The following DLG2 variants were observed in gnomAD, a reference collection of about 807,000 sequenced individuals.
DLG2 encodes discs large MAGUK scaffold protein 2, also known as disks large homolog 2.
DLG2 carries 45 observed loss-of-function variants against 132.5 expected under a neutral mutation model. The ratio of observed to expected loss-of-function variants is 0.34; its 90% CI spans 0.27 to 0.44. The LOEUF (loss-of-function observed/expected upper bound fraction) is 0.44. Among genes scored for constraint, DLG2 ranks in the 20% least tolerant of loss-of-function variants. The pLI, the probability that DLG2 is intolerant of heterozygous loss-of-function variation, is 1.00. For missense variants in DLG2, 1,045 were observed against 1,196.9 expected, an observed-to-expected ratio of 0.87 and a Z score of 1.87; for synonymous variants, 424 against 419.6, an observed-to-expected ratio of 1.01 and a Z score of -0.13.
chr11:84,682,789 A>C (rs1038232815), intron 6 of DLG2, among the ~76,000 whole-genome samples: 1 of 152,180 alleles, frequency 6.6e-6, no homozygotes, highest in African/African-American at 2.4e-5. Context: ...CACAGATGTC[A>C]AACCACCAGC....
chr11:84,220,548 G>A (rs991599987), intron 8 of DLG2, among the ~76,000 whole-genome samples: 4 of 152,032 alleles, frequency 2.6e-5, no homozygotes, highest in African/African-American at 7.2e-5. Flanking sequence ...TATAATTTGG[G>A]CAATGCTATT....
intron 18 of DLG2, among the ~76,000 whole-genome samples, chr11:83,721,287 T>C (rs2088484729): frequency 6.6e-6 from 1 of 152,228 alleles, no homozygotes; most frequent in Non-Finnish European, 1.5e-5. Context: ...ACATTTTTTA[T>C]TTGCATGGTT....
chr11:84,067,306 C>T (rs1392699457), intron 10 of DLG2, among the ~76,000 whole-genome samples: 2 of 152,224 alleles, frequency 1.3e-5, no homozygotes, highest in African/African-American at 4.8e-5. Flanking sequence ...TGCACTCCAT[C>T]CTGGGTAACA....
chr11:84,785,078 A>C (rs1221090368), intron 6 of DLG2, among the ~76,000 whole-genome samples: 1 of 152,102 alleles, frequency 6.6e-6, no homozygotes, highest in East Asian at 1.9e-4. Context: ...ATTTTGTGTC[A>C]ATTTAAAAAT....
At chr11:84,172,908 T>C (rs1343683672) in intron 8 of DLG2, among the ~76,000 whole-genome samples, 2 of 152,086 alleles carry the variant, frequency 1.3e-5, no homozygotes, top group African/African-American at 4.8e-5. Flanking sequence ...ACACGCAACT[T>C]TGGGTCTAGA....
intron 6 of DLG2, chr11:84,546,966 C>A (rs2099391118): frequency 6.4e-6 from 1 of 155,120 alleles, no homozygotes; most frequent in South Asian, 2.0e-4. Flanking sequence ...AGAACAGCGC[C>A]TAAAAGCGCA....
At chr11:83,819,937 T>C (rs2050279866) in intron 17 of DLG2, among the ~76,000 whole-genome samples, 1 of 147,318 alleles carries the variant, frequency 6.8e-6, no homozygotes, top group African/African-American at 2.6e-5. Context: ...TACAGGACCC[T>C]CACAATAATA....
intron 6 of DLG2, among the ~76,000 whole-genome samples, chr11:84,562,149 C>A: frequency 6.6e-6 from 1 of 151,914 alleles, no homozygotes; most frequent in East Asian, 1.9e-4. Flanking sequence ...CTAGAAGGAA[C>A]TCCAAGATAT....
At chr11:85,308,389 G>C (rs1296902923) in intron 3 of DLG2, among the ~76,000 whole-genome samples, 1 of 151,924 alleles carries the variant, frequency 6.6e-6, no homozygotes, top group South Asian at 2.1e-4. Context: ...TACAGACTAA[G>C]TCACTAAGAT....
intron 11 of DLG2, among the ~76,000 whole-genome samples, chr11:84,025,417 A>G (rs1488998608): frequency 9.9e-5 from 15 of 152,236 alleles, no homozygotes; most frequent in Non-Finnish European, 7.4e-5. Context: ...TCCCTCCCCC[A>G]ACACTTGGGA....
intron 7 of DLG2, among the ~76,000 whole-genome samples, chr11:84,291,329 A>T (rs2097993450): frequency 6.6e-6 from 1 of 152,206 alleles, no homozygotes; most frequent in Non-Finnish European, 1.5e-5. Flanking sequence ...AATATTGCCA[A>T]GTTAGACTAA....
At chr11:83,709,372 T>TAC (rs2084860585) in intron 18 of DLG2, among the ~76,000 whole-genome samples, 1 of 148,626 alleles carries the variant, frequency 6.7e-6, no homozygotes, top group Non-Finnish European at 1.5e-5. Flanking sequence ...CACACACACA[T>TAC]ATATATATAA....
chr11:84,099,145 T>G, intron 9 of DLG2, 98 bp from the exon 10 acceptor site: 1 of 1,130,376 alleles, frequency 8.8e-7, no homozygotes, highest in Non-Finnish European at 1.3e-6. Context: ...CAAATGGAAA[T>G]CAGGTGACAA....
intron 21 of DLG2, among the ~76,000 whole-genome samples, chr11:83,496,940 C>A (rs1052727949): frequency 2.6e-5 from 4 of 152,212 alleles, no homozygotes; most frequent in Admixed American, 6.5e-5. Context: ...CTCACAAACA[C>A]TTAGCATTTT....
intron 3 of DLG2, among the ~76,000 whole-genome samples, chr11:85,548,382 C>T (rs868325670): frequency 6.6e-6 from 1 of 152,120 alleles, no homozygotes; most frequent in Non-Finnish European, 1.5e-5. Context: ...GAGGGGCACC[C>T]GCCAGATGCC....
intron 6 of DLG2, among the ~76,000 whole-genome samples, chr11:84,921,494 T>G (rs1165348293): frequency 3.3e-5 from 5 of 152,176 alleles, no homozygotes; most frequent in African/African-American, 9.6e-5. Flanking sequence ...GCTTATGAAT[T>G]TAAATGAGAA....
chr11:83,887,564 A>G (rs2154081863), intron 15 of DLG2, among the ~76,000 whole-genome samples: 1 of 152,158 alleles, frequency 6.6e-6, no homozygotes, highest in South Asian at 2.1e-4. Flanking sequence ...ATTCCAATCA[A>G]TAGAAAAAGA....
chr11:83,684,333 A>G (rs1357982167), intron 18 of DLG2: 4 of 152,152 alleles, frequency 2.6e-5, no homozygotes, highest in African/African-American at 9.7e-5. Flanking sequence ...TGATGCTGTA[A>G]TGTTGCAGGA....
At chr11:85,132,130 G>C (rs141521161) in intron 5 of DLG2, among the ~76,000 whole-genome samples, 1 of 151,962 alleles carries the variant, frequency 6.6e-6, no homozygotes, top group African/African-American at 2.4e-5. Context: ...TCCATAAAAC[G>C]ATTGCCTATT....
Sources: gnomAD v4.1 joint callset for allele counts (sites outside exome capture counted in the v4.1 genomes callset) on GRCh38, gnomAD v4.1.1 for gene constraint, MANE v1.5 for transcripts, NCBI Gene and HGNC (gene_info 2026-07-23, HGNC 2026-07-21) for gene names.